Variants in KCNH5 observed in about 807,000 individuals in gnomAD.
KCNH5 encodes voltage-gated delayed rectifier potassium channel KCNH5.
Under a neutral mutation model 96.1 loss-of-function variants are expected in KCNH5, and 46 were observed. The observed-to-expected ratio is 0.48, with a 90% CI of 0.38 to 0.61. KCNH5 has a LOEUF of 0.61. Among genes scored for constraint, KCNH5 ranks in the 20% least tolerant of loss-of-function variants. KCNH5 has a pLI of 0.00. For synonymous variants in KCNH5, 439 were observed against 449.8 expected, an observed-to-expected ratio of 0.98 and a Z score of 0.30; for missense variants, 907 against 1,225.8, an observed-to-expected ratio of 0.74 and a Z score of 3.88.
rs559935661 is a variant in KCNH5 at position 62,820,312 on chromosome 14, T to C, written c.1570-17731A>G. Among the ~76,000 whole-genome samples, 24 of 152,132 alleles carry C rather than the reference T, an allele frequency of 1.6e-4. No individual in the cohort carries two copies. In the South Asian group the frequency reaches 3.3e-3, roughly 21 times the overall value. Reference sequence around the variant, plus strand: ...TGTGGTTAATTCAGCTTTTCTTTATTTTTTTGTCATTCCATTAAGTAATTT... The same window carrying C: ...TGTGGTTAATTCAGCTTTTCTTTATCTTTTTGTCATTCCATTAAGTAATTT... On this transcript the variant is annotated intron_variant, in intron 8 of 10. Coordinates refer to ENST00000322893, the MANE Select transcript of KCNH5 (RefSeq NM_139318.5).
At chr14:62,848,217 CATTT>C in intron 8 of KCNH5, among the ~76,000 whole-genome samples, 1 of 152,122 alleles carries the variant, frequency 6.6e-6, no homozygotes, top group Non-Finnish European at 1.5e-5. Context: ...TGATCTGTTT[CATTT>C]AATGTGGACT....
chr14:62,825,298 T>C (rs922765368), intron 8 of KCNH5, among the ~76,000 whole-genome samples: 4 of 152,120 alleles, frequency 2.6e-5, no homozygotes, highest in Admixed American at 2.6e-4. Context: ...CAGCATCTGT[T>C]GTTTTTGACT....
At chr14:63,009,483 G>C (rs1012775054) in intron 2 of KCNH5, among the ~76,000 whole-genome samples, 2 of 152,094 alleles carry the variant, frequency 1.3e-5, no homozygotes, top group Admixed American at 6.5e-5. Flanking sequence ...TTTTAAAATA[G>C]TCTTTCATTT....
At chr14:62,936,961 A>G (rs1889695082) in intron 7 of KCNH5, among the ~76,000 whole-genome samples, 1 of 142,878 alleles carries the variant, frequency 7.0e-6, no homozygotes, top group Non-Finnish European at 1.5e-5. Context: ...AGCCTGGGCA[A>G]CAGAGTGAGA....
chr14:62,746,408 CA>C (rs1311091789), intron 10 of KCNH5, among the ~76,000 whole-genome samples: 5 of 152,258 alleles, frequency 3.3e-5, no homozygotes, highest in South Asian at 4.1e-4. Flanking sequence ...GAACAATGCA[CA>C]AAAAAGAATT....
chr14:63,036,516 T>G (rs1215309030), intron 1 of KCNH5, among the ~76,000 whole-genome samples: 1 of 145,470 alleles, frequency 6.9e-6, no homozygotes, highest in Non-Finnish European at 1.5e-5. Context: ...AAAAAAAAAG[T>G]CAATCTGAGG....
At chr14:62,967,809 T>G (rs962543386) in intron 6 of KCNH5, among the ~76,000 whole-genome samples, 4 of 152,190 alleles carry the variant, frequency 2.6e-5, no homozygotes, top group African/African-American at 9.7e-5. Flanking sequence ...GTTTAAGAGT[T>G]AGCTGTAACA....
At chr14:62,976,341 T>G (rs1890498704) in intron 6 of KCNH5, among the ~76,000 whole-genome samples, 1 of 147,456 alleles carries the variant, frequency 6.8e-6, no homozygotes, top group Non-Finnish European at 1.5e-5. Context: ...AAGCAGAGCT[T>G]GCAGTGAGCC....
chr14:63,003,402 G>A (rs1224053249), intron 3 of KCNH5, among the ~76,000 whole-genome samples: 3 of 139,386 alleles, frequency 2.2e-5, no homozygotes, highest in Admixed American at 7.7e-5. Flanking sequence ...GAGGAGCCTC[G>A]GCTATCAGTT....
intron 6 of KCNH5, 45 bp from the exon 7 acceptor site, chr14:62,950,604 A>G (rs936369269): frequency 2.5e-5 from 37 of 1,472,970 alleles, no homozygotes; most frequent in Non-Finnish European, 3.2e-5. Context: ...TTTTCAGGAA[A>G]AAAAAAGGCT....
intron 7 of KCNH5, among the ~76,000 whole-genome samples, chr14:62,853,456 C>A (rs866142420): frequency 2.1e-5 from 2 of 93,306 alleles, no homozygotes; most frequent in African/African-American, 9.9e-5. Context: ...AAAGAATAAT[C>A]ATATATATAT....
At chr14:62,710,464 G>C (rs1379901728) in intron 10 of KCNH5, among the ~76,000 whole-genome samples, 3 of 152,198 alleles carry the variant, frequency 2.0e-5, no homozygotes, top group Non-Finnish European at 4.4e-5. Flanking sequence ...AAGTCTTCAA[G>C]ATATGAACAT....
chr14:62,784,582 T>A (rs778777600), intron 9 of KCNH5, among the ~76,000 whole-genome samples: 20 of 152,196 alleles, frequency 1.3e-4, no homozygotes, highest in Non-Finnish European at 2.4e-4. Flanking sequence ...TCATTATACT[T>A]CTTAATAAAA....
chr14:62,735,712 G>A (rs117774296), intron 10 of KCNH5, among the ~76,000 whole-genome samples: 2,039 of 152,248 alleles, frequency 0.013, 24 homozygotes, highest in Admixed American at 0.027. Flanking sequence ...ACAAAGATAC[G>A]TTGAAGTCCT....
chr14:62,870,364 C>G (rs1214231935), intron 7 of KCNH5, among the ~76,000 whole-genome samples: 1 of 152,090 alleles, frequency 6.6e-6, no homozygotes, highest in Non-Finnish European at 1.5e-5. Flanking sequence ...ATACAAATGT[C>G]ATGACTTCTT....
At chr14:62,878,754 A>G (rs1219429097) in intron 7 of KCNH5, among the ~76,000 whole-genome samples, 1 of 152,142 alleles carries the variant, frequency 6.6e-6, no homozygotes, top group Non-Finnish European at 1.5e-5. Flanking sequence ...CTGGATGCTA[A>G]AAGTTCAAGC....
chr14:62,840,734 T>A (rs983272660), intron 8 of KCNH5, among the ~76,000 whole-genome samples: 1 of 151,844 alleles, frequency 6.6e-6, no homozygotes, highest in Non-Finnish European at 1.5e-5. Flanking sequence ...CACATCCAGC[T>A]AATTTTTGTA....
chr14:62,886,526 A>G (rs1046966044), intron 7 of KCNH5, among the ~76,000 whole-genome samples: 4 of 152,192 alleles, frequency 2.6e-5, no homozygotes, highest in African/African-American at 9.7e-5. Flanking sequence ...GAAGCCCACA[A>G]TGATTGTGAT....
In KCNH5 at chr14:62,851,309, A is replaced by AT. The variant is rs552842886; in HGVS notation, c.1370-1458dup. Among the ~76,000 whole-genome samples the AT allele has an allele frequency of 4.6e-5, 7 of 152,148 alleles. No homozygotes were observed. In the South Asian group the frequency reaches 1.2e-3, roughly 27 times the overall value. On this transcript the variant is annotated intron_variant, in intron 7 of 10. Coordinates refer to ENST00000322893, the MANE Select transcript of KCNH5 (RefSeq NM_139318.5). The stretch of plus-strand genomic sequence containing the variant: ...CATATTTAAAAACAAAAAAATTATC[A>AT]TTTTGTCAGTCTTTCAACGTCCTGT...
Sources: gnomAD v4.1 joint callset for allele counts (sites outside exome capture counted in the v4.1 genomes callset) on GRCh38, gnomAD v4.1.1 for gene constraint, MANE v1.5 for transcripts, NCBI Gene and HGNC (gene_info 2026-07-23, HGNC 2026-07-21) for gene names.